CTNNA3: variants seen among roughly 807,000 people sequenced by gnomAD.
CTNNA3 encodes the protein catenin alpha-3.
Under a neutral mutation model 95.7 loss-of-function variants are expected in CTNNA3, and 76 were observed. The observed-to-expected ratio is 0.79, with a 90% CI of 0.66 to 0.96. The LOEUF (loss-of-function observed/expected upper bound fraction) is 0.96, where lower values mean the gene tolerates loss of function less well. Among genes scored for constraint, CTNNA3 ranks in the 40% least tolerant of loss-of-function variants. The pLI is 0.00. For missense variants in CTNNA3, 1,191 were observed against 1,089.8 expected (o/e 1.09, Z -1.31); for synonymous variants, 431 against 374.4 (o/e 1.15, Z -1.74).
intron 16 of CTNNA3, 141 bp from the exon 17 acceptor site, chr10:65,966,887 T>G (rs1000263664): frequency 1.8e-6 from 1 of 546,378 alleles, no homozygotes; most frequent in Non-Finnish European, 3.1e-6. Flanking sequence ...GCTTCTGATA[T>G]GCTTCTACCA....
intron 14 of CTNNA3, among the ~76,000 whole-genome samples, chr10:66,095,066 T>C (rs143231254): frequency 9.5e-4 from 144 of 152,240 alleles, no homozygotes; most frequent in African/African-American, 3.4e-3. Flanking sequence ...CCTGTGATTA[T>C]TTCAAGGAGA....
chr10:67,225,867 A>G (rs1864888635), intron 5 of CTNNA3, among the ~76,000 whole-genome samples: 1 of 152,226 alleles, frequency 6.6e-6, no homozygotes, highest in African/African-American at 2.4e-5. Flanking sequence ...ATCCAAACCA[A>G]GAAGAAATCC....
intron 11 of CTNNA3, among the ~76,000 whole-genome samples, chr10:66,515,504 C>G (rs1430466768): frequency 6.6e-6 from 1 of 151,994 alleles, no homozygotes; most frequent in Non-Finnish European, 1.5e-5. Flanking sequence ...AAAGAGGAAC[C>G]AGAAGTCTCT....
At chr10:66,387,812 G>A (rs2092905150) in intron 11 of CTNNA3, among the ~76,000 whole-genome samples, 1 of 152,050 alleles carries the variant, frequency 6.6e-6, no homozygotes, top group Non-Finnish European at 1.5e-5. Context: ...GGATGAAGCT[G>A]GAAACCATCA....
intron 9 of CTNNA3, among the ~76,000 whole-genome samples, chr10:66,758,417 T>G (rs190866416): frequency 8.5e-5 from 13 of 152,178 alleles, no homozygotes; most frequent in Admixed American, 8.5e-4. Flanking sequence ...TATGCTTGTG[T>G]TTAATTGAGT....
At chr10:67,381,447 G>A (rs1387695699) in intron 5 of CTNNA3, among the ~76,000 whole-genome samples, 2 of 151,704 alleles carry the variant, frequency 1.3e-5, no homozygotes, top group Non-Finnish European at 2.9e-5. Context: ...ACAGCCTTCT[G>A]AAAATGAAAA....
intron 11 of CTNNA3, among the ~76,000 whole-genome samples, chr10:66,392,323 G>A (rs533135960): frequency 4.4e-4 from 67 of 151,980 alleles, no homozygotes; most frequent in African/African-American, 1.4e-3. Flanking sequence ...CTAACTACTC[G>A]GGAGGTTGTG....
intron 2 of CTNNA3, among the ~76,000 whole-genome samples, chr10:67,631,504 C>G (rs527687421): frequency 6.6e-6 from 1 of 152,020 alleles, no homozygotes; most frequent in Non-Finnish European, 1.5e-5. Flanking sequence ...TCTGTGGAAC[C>G]CTGGAAGCAA....
chr10:67,480,432 G>A (rs1004639835), intron 5 of CTNNA3, among the ~76,000 whole-genome samples: 2 of 152,224 alleles, frequency 1.3e-5, no homozygotes, highest in African/African-American at 2.4e-5. Context: ...CCCTGTGACT[G>A]CAGAGATTTC....
intron 7 of CTNNA3, among the ~76,000 whole-genome samples, chr10:66,882,636 C>A (rs1023200374): frequency 2.0e-5 from 3 of 152,108 alleles, no homozygotes; most frequent in African/African-American, 7.2e-5. Flanking sequence ...TCTGTACTTG[C>A]TTATTCCTTT....
chr10:67,125,238 C>T (rs1326029616), intron 7 of CTNNA3, among the ~76,000 whole-genome samples: 15 of 152,020 alleles, frequency 9.9e-5, no homozygotes, highest in Admixed American at 9.8e-4. Context: ...ATGACATTAG[C>T]AAAGCTCAGG....
At chr10:67,452,921 GC>G (rs1321361946) in intron 5 of CTNNA3, among the ~76,000 whole-genome samples, 1 of 152,208 alleles carries the variant, frequency 6.6e-6, no homozygotes, top group Non-Finnish European at 1.5e-5. Context: ...AATCATATCA[GC>G]AAAATCTCTA....
intron 13 of CTNNA3, among the ~76,000 whole-genome samples, chr10:66,202,247 A>C (rs2087473071): frequency 6.6e-6 from 1 of 152,184 alleles, no homozygotes; most frequent in South Asian, 2.1e-4. Flanking sequence ...AATCAAGTTC[A>C]GGCTAAAGGT....
chr10:67,668,759 T>C (rs2133545213), intron 1 of CTNNA3, among the ~76,000 whole-genome samples: 1 of 152,244 alleles, frequency 6.6e-6, no homozygotes, highest in South Asian at 2.1e-4. Flanking sequence ...ATTTCATATT[T>C]TCAGACCAGG....
chr10:66,240,392 C>T (rs1359212249), intron 13 of CTNNA3, among the ~76,000 whole-genome samples: 1 of 151,990 alleles, frequency 6.6e-6, no homozygotes, highest in Non-Finnish European at 1.5e-5. Context: ...AGCATTGTAT[C>T]ATCCACATGT....
intron 9 of CTNNA3, among the ~76,000 whole-genome samples, chr10:66,707,979 T>A (rs1030104394): frequency 1.3e-5 from 2 of 152,104 alleles, no homozygotes; most frequent in East Asian, 3.9e-4. Context: ...ATCAATCAAT[T>A]GTTTCATTTG....
intron 16 of CTNNA3, among the ~76,000 whole-genome samples, chr10:65,980,511 C>G (rs1206626527): frequency 6.8e-6 from 1 of 147,458 alleles, no homozygotes; most frequent in Non-Finnish European, 1.5e-5. Context: ...GTAACAAAAC[C>G]AGGGAAGGAC....
intron 5 of CTNNA3, among the ~76,000 whole-genome samples, chr10:67,238,128 T>A (rs1865576251): frequency 6.6e-6 from 1 of 152,134 alleles, no homozygotes; most frequent in African/African-American, 2.4e-5. Flanking sequence ...GTGAACACAT[T>A]TTGTAATCTG....
chr10:66,389,618 A>G (rs1021248229), intron 11 of CTNNA3, among the ~76,000 whole-genome samples: 3 of 152,034 alleles, frequency 2.0e-5, no homozygotes, highest in Non-Finnish European at 4.4e-5. Context: ...TCTCTGGCTA[A>G]CTCCATCTTC....
Sources: gnomAD v4.1 joint callset for allele counts (sites outside exome capture counted in the v4.1 genomes callset) on GRCh38, gnomAD v4.1.1 for gene constraint, MANE v1.5 for transcripts, NCBI Gene and HGNC (gene_info 2026-07-23, HGNC 2026-07-21) for gene names.